The following OS9 variants were observed in gnomAD, a reference collection of about 807,000 sequenced individuals.
OS9 encodes the protein OS9 endoplasmic reticulum lectin, also known as protein OS-9.
OS9 carries 58 observed loss-of-function variants against 84.7 expected under a neutral mutation model. The observed-to-expected ratio is 0.68, with a 90% confidence interval of 0.55 to 0.85. OS9 has a LOEUF of 0.85. Among genes scored for constraint, OS9 ranks in the 40% least tolerant of loss-of-function variants. The pLI is 0.00. For synonymous variants in OS9, 278 were observed against 320.8 expected, an observed-to-expected ratio of 0.87 and a Z score of 1.43; for missense variants, 760 against 850.9, an observed-to-expected ratio of 0.89 and a Z score of 1.33.
At position 57,720,198 on chromosome 12, in the gene OS9, C is replaced by T; in HGVS notation, c.1700C>T (p.Pro567Leu). Residue 567 changes from proline (P) to leucine (L), a missense_variant, in exon 13 of 15, where the codon CCA (proline) becomes CTA (leucine). Physicochemically the swap from Pro to Leu is moderately conservative, Grantham distance 98. Coordinates refer to ENST00000315970, the MANE Select transcript of OS9 (RefSeq NM_006812.4). ...LTVLEMKREN[P>L]QLKQIEGLVK... is the part of the protein sequence containing the mutation. ...GTCCTCGAGATGAAACGGGAAAACC[C>T]ACAGCTGAAACAAATCGAGGGGCTG... The T allele has an allele frequency of 6.2e-7, 1 of 1,614,184 alleles. No homozygotes were observed. The highest frequency in any genetic ancestry group is 8.5e-7 in the Non-Finnish European group (1 of 1,180,044).
chr12:57,719,951 C>T, intron 12 of OS9, 148 bp from the exon 13 acceptor site: 1 of 718,818 alleles, frequency 1.4e-6, no homozygotes, highest in Non-Finnish European at 2.3e-6. Flanking sequence ...GGGCGGGGCA[C>T]ACATTTTTTT....
At chr12:57,719,827 T>G in intron 12 of OS9, 7 of 326,064 alleles carry the variant, frequency 2.1e-5, no homozygotes, top group Non-Finnish European at 3.4e-5. Flanking sequence ...GGTGGCCTGA[T>G]TTTGGCTTTA....
intron 7 of OS9, 105 bp downstream of exon 7, chr12:57,716,298 A>G (rs957701249): frequency 1.7e-5 from 18 of 1,028,684 alleles, no homozygotes; most frequent in Non-Finnish European, 2.5e-5. Flanking sequence ...GTGGAAAAGT[A>G]CCATGGGCCC....
In OS9 at chr12:57,694,883, C is replaced by T. The variant is rs777391967; in HGVS notation, c.296C>T (p.Pro99Leu). 6.2e-7 allele frequency: 1 copy of T among 1,614,152 alleles called. No homozygotes were observed. Among genetic ancestry groups the T allele is most frequent in the Admixed American group, 1.7e-5 (1 of 60,018 alleles). ...CCTGCTTACCAAGGGCCTGGGATCCCTGAGTTGTTGAGCCCAATGAGAGAT... is the reference window on the plus strand; with the variant it reads ...CCTGCTTACCAAGGGCCTGGGATCCTTGAGTTGTTGAGCCCAATGAGAGAT... The part of the protein sequence containing the change: ...ETPAYQGPGI[P>L]ELLSPMRDAP... The change falls in exon 2 of 15, where the codon CCT becomes CTT. Residue 99 changes from proline (P) to leucine (L), a missense_variant. Transcript: ENST00000315970.
chr12:57,710,792 C>A (rs1954302583), intron 5 of OS9, among the ~76,000 whole-genome samples: 1 of 152,054 alleles, frequency 6.6e-6, no homozygotes, highest in African/African-American at 2.4e-5. Context: ...GTAATCCCAG[C>A]ACTTTGGGAG....
intron 5 of OS9, among the ~76,000 whole-genome samples, chr12:57,710,424 C>G (rs1158706088): frequency 6.6e-6 from 1 of 152,050 alleles, no homozygotes; most frequent in East Asian, 1.9e-4. Context: ...GTCAGTTTTA[C>G]TAGTTTTTTC....
intron 5 of OS9, among the ~76,000 whole-genome samples, chr12:57,703,882 G>C (rs1329224700): frequency 2.6e-5 from 4 of 151,792 alleles, no homozygotes; most frequent in Admixed American, 6.6e-5. Flanking sequence ...TCCTTGTCTT[G>C]TTCCTAATCT....
Position 57,720,778 on chromosome 12 carries a change from C to A in OS9, c.1879-6C>A. 6.2e-7 allele frequency: 1 copy of A among 1,600,908 alleles called. No homozygotes were observed. Among genetic ancestry groups the A allele is most frequent in the Non-Finnish European group, 8.5e-7 (1 of 1,173,324 alleles). On this transcript the variant is annotated splice_region_variant and splice_polypyrimidine_tract_variant and intron_variant, in intron 14 of 14. Coordinates refer to ENST00000315970, the MANE Select transcript of OS9 (RefSeq NM_006812.4). ...GCTCCAGCCCACCTCTACCCTCTCC[C>A]ACCAGGTGCCGGGAGCTGAAGAGGC...
At chr12:57,706,355 T>C (rs1465523353) in intron 5 of OS9, among the ~76,000 whole-genome samples, 1 of 152,180 alleles carries the variant, frequency 6.6e-6, no homozygotes, top group Non-Finnish European at 1.5e-5. Flanking sequence ...TGAAGTTTTT[T>C]TTTTGTACAT....
Position 57,719,178 on chromosome 12 carries a change from TA to T in OS9, c.1597del (p.Thr533GlnfsTer25). ...PKKPPPSPQP[T>X]EEDPEHRVRV... ...AAAAGCCTCCCCCATCACCCCAACC[TA>T]CAGGTGAGAGCAGTCAGACAAGAAA... On this transcript the variant is annotated frameshift_variant, in exon 12 of 15. Coordinates refer to ENST00000315970, the MANE Select transcript of OS9 (RefSeq NM_006812.4). LOFTEE classifies it high-confidence loss of function. 6.2e-7 allele frequency: 1 copy of T among 1,613,638 alleles called. No homozygotes were observed. The highest frequency in any genetic ancestry group is 8.5e-7 in the Non-Finnish European group (1 of 1,179,716).
chr12:57,713,928 G>A (rs899766162), intron 5 of OS9, among the ~76,000 whole-genome samples: 2 of 151,534 alleles, frequency 1.3e-5, no homozygotes, highest in Non-Finnish European at 2.9e-5. Flanking sequence ...ACAACATAGC[G>A]GGACCCTGTC....
At chr12:57,709,912 G>A (rs1954278429) in intron 5 of OS9, among the ~76,000 whole-genome samples, 1 of 151,852 alleles carries the variant, frequency 6.6e-6, no homozygotes, top group Non-Finnish European at 1.5e-5. Flanking sequence ...GAGTGCAGTG[G>A]CATGATCTCG....
intron 10 of OS9, 85 bp from the exon 11 acceptor site, chr12:57,718,061 C>G (rs1156713426): frequency 6.5e-7 from 1 of 1,526,844 alleles, no homozygotes; most frequent in African/African-American, 1.4e-5. Flanking sequence ...CCCAGTACCA[C>G]ACACCTGCTA....
rs760286615 is a variant in OS9 at position 57,694,137 on chromosome 12, C to T, written c.-25C>T. 1.9e-6 allele frequency: 3 copies of T among 1,613,620 alleles called. No homozygotes were observed. The highest frequency in any genetic ancestry group is 2.5e-6 in the Non-Finnish European group (3 of 1,179,684). ...GCCTGGCTTAGGGCGGAAACAGATT[C>T]TCTGCATAAGAAGGGGAACGAAAGA... On this transcript the variant is annotated 5_prime_UTR_variant, in exon 1 of 15. Transcript: ENST00000315970.
chr12:57,720,971 C>T lies in OS9; in HGVS notation c.*62C>T. ...CTCTTCCTGGACTGGCTTGCCTCCTCCCCACCTCCCCACCCTGGAACCCCT... is the reference window on the plus strand; with the variant it reads ...CTCTTCCTGGACTGGCTTGCCTCCTTCCCACCTCCCCACCCTGGAACCCCT... On this transcript the variant is annotated 3_prime_UTR_variant, in exon 15 of 15. Coordinates refer to ENST00000315970, the MANE Select transcript of OS9 (RefSeq NM_006812.4). The T allele has an allele frequency of 1.9e-6, 3 of 1,580,108 alleles. No homozygotes were observed. In the South Asian group the frequency reaches 3.4e-5, roughly 18 times the overall value.
intron 9 of OS9, 105 bp downstream of exon 9, chr12:57,716,849 C>T (rs578217984): frequency 4.8e-5 from 47 of 987,188 alleles, no homozygotes; most frequent in East Asian, 1.7e-4. Context: ...GTAGCCAGGC[C>T]GGCAGAAAAT....
Position 57,694,313 on chromosome 12 carries a change from T to A in OS9, c.152T>A (p.Met51Lys). Residue 51 changes from methionine (M) to lysine (K), a missense_variant, in exon 1 of 15, where the codon ATG (methionine) becomes AAG (lysine). Transcript: ENST00000315970. ...ATCGAGATCCTGCCGTTGCCTGTCA[T>A]GGGAGGGCAGGTGAGAGGCGTATAA... is the stretch of plus-strand genomic sequence containing the variant. ...YGIEILPLPV[M>K]GGQSQSSDVV... 1 of 1,613,830 alleles carries A rather than the reference T, an allele frequency of 6.2e-7. No homozygotes were observed. Among genetic ancestry groups the A allele is most frequent in the African/African-American group, 1.3e-5 (1 of 74,906 alleles).
intron 5 of OS9, among the ~76,000 whole-genome samples, chr12:57,710,134 T>C (rs923811798): frequency 3.3e-5 from 5 of 152,224 alleles, no homozygotes; most frequent in African/African-American, 1.2e-4. Flanking sequence ...ATTACAGGCG[T>C]GAGCCACCCG....
intron 5 of OS9, among the ~76,000 whole-genome samples, chr12:57,711,254 T>A (rs1954321669): frequency 6.6e-6 from 1 of 151,072 alleles, no homozygotes; most frequent in Non-Finnish European, 1.5e-5. Flanking sequence ...AAACAATATA[T>A]AGTAAATTAA....
Sources: allele counts gnomAD v4.1 joint callset (sites outside exome capture counted in the v4.1 genomes callset), GRCh38; gene constraint gnomAD v4.1.1; transcripts MANE v1.5; gene names NCBI Gene and HGNC (gene_info 2026-07-23, HGNC 2026-07-21).